The following PTGR1 variants were observed in gnomAD, a reference collection of about 807,000 sequenced individuals.
The protein encoded by PTGR1 is 15-oxoprostaglandin 13-reductase.
A neutral mutation model predicts 37.7 loss-of-function variants in PTGR1; 23 were observed. The ratio of observed to expected loss-of-function variants is 0.61; its 90% confidence interval spans 0.44 to 0.86. The LOEUF is 0.86. Among genes scored for constraint, PTGR1 ranks in the 40% least tolerant of loss-of-function variants. The pLI, the probability that PTGR1 is intolerant of heterozygous loss-of-function variation, is 0.00. For missense variants in PTGR1, 351 were observed against 394.3 expected (o/e 0.89, Z 0.93); for synonymous variants, 134 against 140.0 (o/e 0.96, Z 0.30).
Position 111,562,974 on chromosome 9 carries a change from C to A in PTGR1, c.*147G>T. 1 of 1,413,152 alleles carries A rather than the reference C, an allele frequency of 7.1e-7. No individual in the cohort carries two copies. Among genetic ancestry groups the A allele is most frequent in the Non-Finnish European group, 9.2e-7 (1 of 1,086,486 alleles). The allele number at this position is 1,413,152 out of a possible 1,614,324, so 87.5% of individuals were successfully genotyped here. A position where few individuals can be genotyped will look rare whatever the true frequency, so the allele number is the denominator to read the frequency against. ...TCCATCCTCCATCACTAATTACATA[C>A]CACTTAAATGTATTTTATTAAGTAG... On this transcript the variant is annotated 3_prime_UTR_variant, in exon 10 of 10. Coordinates refer to ENST00000407693, the MANE Select transcript of PTGR1 (RefSeq NM_001146108.2).
At chr9:111,552,711 G>A (rs1014612570) in intron 9 of PTGR1, among the ~76,000 whole-genome samples, 5 of 152,152 alleles carry the variant, frequency 3.3e-5, no homozygotes, top group Admixed American at 6.5e-5. Flanking sequence ...TCTTTGGGCA[G>A]TGTCTTGTAT....
At chr9:111,561,176 AG>A (rs1564608238), downstream of PTGR1, among the ~76,000 whole-genome samples, 11 of 127,492 alleles carry the variant, frequency 8.6e-5, no homozygotes, top group East Asian at 2.5e-4. Flanking sequence ...AGAGAGAGAG[AG>A]AAAGAGAGAG....
chr9:111,588,692 A>T (rs1829516735), intron 4 of PTGR1, among the ~76,000 whole-genome samples: 1 of 151,624 alleles, frequency 6.6e-6, no homozygotes. Flanking sequence ...CGCCTGGCTA[A>T]TTTTTGTATT....
chr9:111,555,015 G>A (rs1000300035), intron 9 of PTGR1, among the ~76,000 whole-genome samples: 3 of 152,192 alleles, frequency 2.0e-5, no homozygotes, highest in African/African-American at 7.2e-5. Context: ...AGAGAAGGAT[G>A]TTCTAGTCAG....
intron 2 of PTGR1, among the ~76,000 whole-genome samples, chr9:111,596,926 CAAAAAAAAA>C (rs71494900): frequency 2.2e-5 from 2 of 90,658 alleles, no homozygotes; most frequent in Non-Finnish European, 4.1e-5. Context: ...GACTCTGTCT[CAAAAAAAAA>C]AAAAAAAAAA....
At chr9:111,560,345 G>C (rs1828236898), downstream of PTGR1, among the ~76,000 whole-genome samples, 1 of 151,746 alleles carries the variant, frequency 6.6e-6, no homozygotes. Flanking sequence ...GTGGTGGTGG[G>C]CGCCTGTAGT....
chr9:111,584,892 T>C (rs1414135331), intron 5 of PTGR1, among the ~76,000 whole-genome samples: 5 of 152,168 alleles, frequency 3.3e-5, no homozygotes, highest in African/African-American at 4.8e-5. Context: ...CTTATTACAC[T>C]AGCCAAAAGG....
At position 111,594,215 on chromosome 9, in the gene PTGR1, A is replaced by G. The variant is rs931593525; in HGVS notation, c.152+7T>C. ...ATTAGCATTTTGAGGGGCGAAATAA[A>G]TAATACCTCATGTAGGGATCCACGG... On this transcript the variant is annotated splice_region_variant and intron_variant, in intron 3 of 9. Transcript: ENST00000407693. 1.2e-6 allele frequency: 2 copies of G among 1,610,860 alleles called. No individual in the cohort carries two copies. The highest frequency in any genetic ancestry group is 2.7e-5 in the African/African-American group (2 of 74,866).
Position 111,570,119 on chromosome 9 carries a change from A to C in PTGR1, c.851T>G (p.Leu284Arg). 1 of 1,614,106 alleles carries C rather than the reference A, an allele frequency of 6.2e-7. No homozygotes were observed. ...RWQGDARQKA[L>R]KDLLKWVLEG... is the part of the protein sequence containing the mutation. ...TAAGACCCATTTCAGCAAGTCCTTC[A>C]GAGCTTTTTGGCGGGCATCTCCTTG... Residue 284 changes from leucine (L) to arginine (R), a missense_variant, in exon 9 of 10, where the codon CTG (leucine) becomes CGG (arginine). Physicochemically the swap from Leu to Arg is moderately radical, Grantham distance 102. Transcript: ENST00000407693.
intron 2 of PTGR1, among the ~76,000 whole-genome samples, chr9:111,596,395 A>T (rs554537611): frequency 8.1e-4 from 123 of 151,920 alleles, no homozygotes; most frequent in Non-Finnish European, 1.2e-3. Flanking sequence ...CGGGCTGATC[A>T]TCTAAGGTCA....
At chr9:111,594,160 G>A in intron 3 of PTGR1, 62 bp downstream of exon 3, 1 of 1,458,788 alleles carries the variant, frequency 6.9e-7, no homozygotes, top group Non-Finnish European at 9.6e-7. Flanking sequence ...TTTAGAAGAT[G>A]AACTACTTCC....
intron 9 of PTGR1, among the ~76,000 whole-genome samples, chr9:111,551,056 G>C (rs1827926055): frequency 1.3e-5 from 2 of 152,208 alleles, no homozygotes; most frequent in Admixed American, 1.3e-4. Flanking sequence ...GTAATATAAT[G>C]TGAGCCACAT....
intron 2 of PTGR1, 132 bp from the exon 3 acceptor site, chr9:111,594,399 C>T: frequency 1.3e-6 from 1 of 754,436 alleles, no homozygotes; most frequent in South Asian, 1.5e-5. Flanking sequence ...GTACCATGCT[C>T]ACTGCCTGGG....
chr9:111,552,593 T>C (rs1254164102), intron 9 of PTGR1, among the ~76,000 whole-genome samples: 1 of 152,190 alleles, frequency 6.6e-6, no homozygotes, highest in African/African-American at 2.4e-5. Context: ...GTCAAAAATA[T>C]CTGCCATGAG....
chr9:111,566,388 C>T (rs750156001), intron 9 of PTGR1, among the ~76,000 whole-genome samples: 3 of 152,252 alleles, frequency 2.0e-5, no homozygotes, highest in South Asian at 2.1e-4. Context: ...CAGCCCAGCC[C>T]GGCACTGCAA....
chr9:111,576,245 C>T (rs1589305791), intron 7 of PTGR1: 1 of 926,914 alleles, frequency 1.1e-6, no homozygotes, highest in East Asian at 2.5e-5. Flanking sequence ...TATTTGCAAG[C>T]CATATAGAGT....
intron 4 of PTGR1, 109 bp from the exon 5 acceptor site, chr9:111,586,274 T>G: frequency 9.7e-7 from 1 of 1,036,108 alleles, no homozygotes; most frequent in South Asian, 1.5e-5. Flanking sequence ...GAGGTTGATA[T>G]TCCACAACTG....
chr9:111,599,014 C>A (rs1829862926), intron 1 of PTGR1, among the ~76,000 whole-genome samples: 2 of 152,098 alleles, frequency 1.3e-5, no homozygotes, highest in South Asian at 4.1e-4. Context: ...AGTTCAACTT[C>A]TTTAGAGTTC....
chr9:111,596,883 T>C (rs1829796484), intron 2 of PTGR1, among the ~76,000 whole-genome samples: 2 of 130,534 alleles, frequency 1.5e-5, no homozygotes, highest in African/African-American at 6.0e-5. Flanking sequence ...GCCAAAATCA[T>C]GCCACTGCAC....
Sources: allele counts gnomAD v4.1 joint callset (sites outside exome capture counted in the v4.1 genomes callset), GRCh38; gene constraint gnomAD v4.1.1; transcripts MANE v1.5; gene names NCBI Gene and HGNC (gene_info 2026-07-23, HGNC 2026-07-21).